Variants in LRRC49 observed in about 807,000 individuals in gnomAD.
LRRC49 encodes leucine rich repeat containing 49, also known as leucine-rich repeat-containing protein 49.
In LRRC49, 50 loss-of-function variants were observed where a neutral mutation model predicts 83.3. The ratio of observed to expected loss-of-function variants is 0.60; its 90% CI spans 0.48 to 0.76. The LOEUF is 0.76. Among genes scored for constraint, LRRC49 ranks in the 30% least tolerant of loss-of-function variants. LRRC49 has a pLI of 0.00. For synonymous variants in LRRC49, 286 were observed against 283.3 expected (o/e 1.01, Z -0.10); for missense variants, 704 against 809.1 (o/e 0.87, Z 1.58).
chr15:70,944,404 C>T (rs755106729), intron 8 of LRRC49, among the ~76,000 whole-genome samples: 26 of 152,036 alleles, frequency 1.7e-4, no homozygotes, highest in Non-Finnish European at 3.8e-4. Flanking sequence ...TTCCATATTG[C>T]TCTTTTTTTT....
At chr15:71,038,273 G>A (rs550759553) in intron 15 of LRRC49, among the ~76,000 whole-genome samples, 1 of 152,238 alleles carries the variant, frequency 6.6e-6, no homozygotes, top group African/African-American at 2.4e-5. Flanking sequence ...GTGTGGCAGG[G>A]CGAAGTGTGT....
Position 70,854,201 on chromosome 15 carries a change from C to T in LRRC49, c.-299+732C>T, listed in dbSNP as rs1301084233. On this transcript the variant is annotated intron_variant, in intron 1 of 16. Coordinates refer to the LRRC49 transcript ENST00000544974. ...CGGTGCGAGCGCGCCTGCCGCTCGG[C>T]CCAGGGGAGGGACAGGGGTCGCGGC... is the stretch of plus-strand genomic sequence containing the variant. 6 of 746,728 alleles carry T rather than the reference C, an allele frequency of 8.0e-6. No individual in the cohort carries two copies. In the African/African-American group the frequency reaches 1.1e-4, roughly 14 times the overall value. The allele number at this position is 746,728 out of a possible 1,614,324, so 46.3% of individuals were successfully genotyped here.
intron 10 of LRRC49, among the ~76,000 whole-genome samples, chr15:70,981,888 CTTCT>C (rs1354687742): frequency 1.6e-5 from 2 of 123,990 alleles, no homozygotes; most frequent in African/African-American, 2.9e-5. Context: ...TCTTTTGCTT[CTTCT>C]TTTTTTTTTT....
At chr15:70,967,886 C>T (rs2036845759) in intron 9 of LRRC49, among the ~76,000 whole-genome samples, 1 of 152,000 alleles carries the variant, frequency 6.6e-6, no homozygotes, top group Non-Finnish European at 1.5e-5. Flanking sequence ...AATCGCTGAA[C>T]CACTGAGAGT....
Position 70,893,573 on chromosome 15 carries a change from T to G in LRRC49, c.49-11T>G, listed in dbSNP as rs1158643454. ...AAGAGCAAATTTTATGGTTTAATTT[T>G]TACATTTCAGGTGAACTGCGGGCTT... is the stretch of plus-strand genomic sequence containing the variant. On this transcript the variant is annotated splice_polypyrimidine_tract_variant and intron_variant, in intron 1 of 15. Coordinates refer to ENST00000260382, the MANE Select transcript of LRRC49 (RefSeq NM_017691.5). 1.9e-6 allele frequency: 3 copies of G among 1,596,334 alleles called. No homozygotes were observed. In the Admixed American group the frequency reaches 5.1e-5, roughly 27 times the overall value.
intron 9 of LRRC49, among the ~76,000 whole-genome samples, chr15:70,968,397 T>TTGAG (rs1331611899): frequency 6.6e-6 from 1 of 151,386 alleles, no homozygotes; most frequent in Admixed American, 6.6e-5. Flanking sequence ...TGATGGGCAT[T>TTGAG]TTGGTTCCAA....
chr15:70,999,356 C>A (rs1475673502), intron 11 of LRRC49, among the ~76,000 whole-genome samples: 2 of 151,948 alleles, frequency 1.3e-5, no homozygotes, highest in African/African-American at 4.8e-5. Flanking sequence ...TTTTTAATGA[C>A]TTTCCTAATT....
chr15:70,915,207 C>T (rs2034716802), intron 6 of LRRC49, among the ~76,000 whole-genome samples: 1 of 152,176 alleles, frequency 6.6e-6, no homozygotes, highest in Non-Finnish European at 1.5e-5. Flanking sequence ...TGTTGGGTTG[C>T]AAACCAAGAA....
At chr15:70,954,406 G>A (rs762690223) in intron 8 of LRRC49, among the ~76,000 whole-genome samples, 143 of 152,028 alleles carry the variant, frequency 9.4e-4, no homozygotes, top group Non-Finnish European at 8.5e-4. Context: ...TTATCATCCC[G>A]ATTCTGAATT....
chr15:70,916,587 G>T (rs1327102894), intron 6 of LRRC49, among the ~76,000 whole-genome samples: 1 of 152,158 alleles, frequency 6.6e-6, no homozygotes, highest in Non-Finnish European at 1.5e-5. Flanking sequence ...GAGCTACCGC[G>T]CCTGGCCTCA....
At chr15:71,011,140 G>T (rs2038638011) in intron 13 of LRRC49, among the ~76,000 whole-genome samples, 1 of 152,022 alleles carries the variant, frequency 6.6e-6, no homozygotes, top group South Asian at 2.1e-4. Context: ...TTCTCAAGAG[G>T]GTTGGCTCAG....
At chr15:70,900,265 G>C (rs1020718422) in intron 3 of LRRC49, 1 of 344,934 alleles carries the variant, frequency 2.9e-6, no homozygotes, top group Admixed American at 4.0e-5. Flanking sequence ...AACCTTAGAG[G>C]GGTGTCATAT....
intron 15 of LRRC49, among the ~76,000 whole-genome samples, chr15:71,049,020 T>G (rs1035425386): frequency 6.6e-6 from 1 of 152,192 alleles, no homozygotes; most frequent in African/African-American, 2.4e-5. Flanking sequence ...TCATACCAAT[T>G]GAAATTGTCA....
intron 7 of LRRC49, among the ~76,000 whole-genome samples, chr15:70,923,441 T>C (rs2035080642): frequency 1.3e-5 from 2 of 151,966 alleles, no homozygotes; most frequent in Non-Finnish European, 1.5e-5. Context: ...AATTGTTCCT[T>C]TTATTGTTAT....
intron 8 of LRRC49, among the ~76,000 whole-genome samples, chr15:70,945,518 C>CGTGTGTGT (rs1567063903): frequency 3.6e-5 from 3 of 84,200 alleles, no homozygotes; most frequent in African/African-American, 1.2e-4. Context: ...TATTTAACAA[C>CGTGTGTGT]CTGTGTGTGT....
At chr15:70,854,059 G>C in intron 1 of LRRC49, 1 of 1,392,296 alleles carries the variant, frequency 7.2e-7, no homozygotes, top group Middle Eastern at 2.0e-4. Context: ...TCTTGGGCCC[G>C]GGCCGAGCCT....
intron 14 of LRRC49, among the ~76,000 whole-genome samples, chr15:71,020,192 G>A (rs576900415): frequency 1.6e-3 from 248 of 152,282 alleles, no homozygotes; most frequent in Non-Finnish European, 2.4e-3. Flanking sequence ...AAAATTTAAT[G>A]AGGAGGCTTA....
intron 11 of LRRC49, among the ~76,000 whole-genome samples, chr15:70,990,986 C>T (rs992007426): frequency 1.3e-5 from 2 of 152,182 alleles, no homozygotes; most frequent in African/African-American, 4.8e-5. Flanking sequence ...AGAATGTAAG[C>T]TTCATGAGGA....
chr15:70,934,551 C>T (rs576470798), intron 7 of LRRC49, among the ~76,000 whole-genome samples: 44 of 152,000 alleles, frequency 2.9e-4, no homozygotes, highest in Admixed American at 2.2e-3. Context: ...TTGATAAAGA[C>T]GTAAAATTTT....
Sources: allele counts gnomAD v4.1 joint callset (sites outside exome capture counted in the v4.1 genomes callset), GRCh38; gene constraint gnomAD v4.1.1; transcripts MANE v1.5; gene names NCBI Gene and HGNC (gene_info 2026-07-23, HGNC 2026-07-21).